The following ATP10B variants were observed in gnomAD, a reference collection of about 807,000 sequenced individuals.
ATP10B encodes the protein phospholipid-transporting ATPase VB.
ATP10B carries 122 observed loss-of-function variants against 141.2 expected under a neutral mutation model. The ratio of observed to expected loss-of-function variants is 0.86; its 90% CI spans 0.75 to 1.00. The LOEUF is 1.00. Among genes scored for constraint, ATP10B ranks in the 50% least tolerant of loss-of-function variants. The pLI is 0.00. For synonymous variants in ATP10B, 685 were observed against 692.0 expected (o/e 0.99, Z 0.16); for missense variants, 1,876 against 1,825.3 (o/e 1.03, Z -0.51).
At chr5:160,731,228 T>A (rs1766720366) in intron 2 of ATP10B, among the ~76,000 whole-genome samples, 1 of 152,122 alleles carries the variant, frequency 6.6e-6, no homozygotes, top group Non-Finnish European at 1.5e-5. Flanking sequence ...CGTTTGTGAG[T>A]AAAGATGGGG....
At chr5:160,574,678 T>C (rs1395439145) in intron 24 of ATP10B, among the ~76,000 whole-genome samples, 1 of 152,214 alleles carries the variant, frequency 6.6e-6, no homozygotes, top group African/African-American at 2.4e-5. Context: ...CCTTCATGAA[T>C]GAATTAGATG....
chr5:160,565,261 T>C lies in ATP10B; in HGVS notation c.*192A>G, dbSNP rs1334361419. 3.3e-6 allele frequency: 2 copies of C among 609,078 alleles called. No individual in the cohort carries two copies. Among genetic ancestry groups the C allele is most frequent in the Non-Finnish European group, 5.8e-6 (2 of 347,504 alleles). The allele number at this position is 609,078 out of a possible 1,614,324, so 37.7% of individuals were successfully genotyped here. On this transcript the variant is annotated 3_prime_UTR_variant, in exon 26 of 26. Transcript: ENST00000327245. ...GTGCTGCCTGAGAGCAGCAGAAAAC[T>C]AGAGGCCGACTGGGTTTCCCGTCTT...
chr5:160,582,256 A>G (rs1277152630), intron 24 of ATP10B, among the ~76,000 whole-genome samples: 4 of 152,102 alleles, frequency 2.6e-5, no homozygotes, highest in Admixed American at 6.5e-5. Context: ...GGTCTTTATA[A>G]TTTGGTATGT....
At chr5:160,878,589 C>A in the ATP10B span, among the ~76,000 whole-genome samples, 1 of 151,202 alleles carries the variant, frequency 6.6e-6, no homozygotes, top group Non-Finnish European at 1.5e-5. Flanking sequence ...ACCGTCAGAG[C>A]GAACAGGCAA....
chr5:160,787,823 G>C (rs1489077124), intron 1 of ATP10B, among the ~76,000 whole-genome samples: 1 of 152,108 alleles, frequency 6.6e-6, no homozygotes, highest in East Asian at 1.9e-4. Flanking sequence ...GTGTGTGCTA[G>C]ATCAGAAGTT....
chr5:160,819,402 C>G (rs1357249978), intron 1 of ATP10B, among the ~76,000 whole-genome samples: 1 of 152,112 alleles, frequency 6.6e-6, no homozygotes, highest in African/African-American at 2.4e-5. Flanking sequence ...TCATCAACAC[C>G]AGACCTATCC....
chr5:160,770,102 C>T (rs1387154922), intron 2 of ATP10B, among the ~76,000 whole-genome samples: 1 of 152,102 alleles, frequency 6.6e-6, no homozygotes, highest in East Asian at 1.9e-4. Context: ...TACCCCCTTT[C>T]CTCCTAATGT....
the ATP10B span, among the ~76,000 whole-genome samples, chr5:160,913,749 A>G: frequency 7.2e-5 from 11 of 152,280 alleles, no homozygotes; most frequent in African/African-American, 2.6e-4. Flanking sequence ...CCTCGCACTG[A>G]TAACAATGAG....
chr5:160,904,931 G>A, the ATP10B span, among the ~76,000 whole-genome samples: 1 of 152,214 alleles, frequency 6.6e-6, no homozygotes, highest in Non-Finnish European at 1.5e-5. Flanking sequence ...ACAAACTCTA[G>A]CTATTTTGCA....
chr5:160,806,455 G>T (rs571099299), intron 1 of ATP10B, among the ~76,000 whole-genome samples: 3 of 152,180 alleles, frequency 2.0e-5, no homozygotes, highest in Non-Finnish European at 2.9e-5. Context: ...CACACATAAG[G>T]TTATCCCCCA....
chr5:160,841,442 G>A (rs1383756882), intron 1 of ATP10B, among the ~76,000 whole-genome samples: 7 of 152,144 alleles, frequency 4.6e-5, no homozygotes, highest in African/African-American at 1.7e-4. Flanking sequence ...CCCATATGAG[G>A]TAGGGGAATG....
intron 9 of ATP10B, among the ~76,000 whole-genome samples, chr5:160,642,565 AGATGCTGCTAAATACCCTACAG>A (rs1301075722): frequency 6.6e-6 from 1 of 152,180 alleles, no homozygotes; most frequent in African/African-American, 2.4e-5. Flanking sequence ...TAGAGGCCAG[AGATGCTGCTAAATACCCTACAG>A]GACAGCCCCC....
At chr5:160,627,346 A>G (rs1758663770) in intron 13 of ATP10B, among the ~76,000 whole-genome samples, 1 of 152,218 alleles carries the variant, frequency 6.6e-6, no homozygotes, top group Non-Finnish European at 1.5e-5. Context: ...TAAAATCCTG[A>G]AAGCAGGAGC....
At chr5:160,902,853 C>T in the ATP10B span, among the ~76,000 whole-genome samples, 1 of 152,118 alleles carries the variant, frequency 6.6e-6, no homozygotes, top group Non-Finnish European at 1.5e-5. Context: ...ACAAAAATCA[C>T]AAAGTCAGAT....
chr5:160,776,823 G>C (rs189088354), intron 2 of ATP10B, among the ~76,000 whole-genome samples: 1 of 152,342 alleles, frequency 6.6e-6, no homozygotes, highest in East Asian at 1.9e-4. Flanking sequence ...AGATTTCTCT[G>C]TGTGTTTTTG....
chr5:160,660,452 C>T (rs549254371), intron 7 of ATP10B, among the ~76,000 whole-genome samples: 3 of 152,206 alleles, frequency 2.0e-5, no homozygotes, highest in South Asian at 4.1e-4. Context: ...CATATTGATG[C>T]TAAAAAAGAA....
chr5:160,881,016 G>A, the ATP10B span, among the ~76,000 whole-genome samples: 25 of 152,230 alleles, frequency 1.6e-4, no homozygotes, highest in South Asian at 4.8e-3. Flanking sequence ...CATAGACTGG[G>A]AGGAAATATT....
intron 3 of ATP10B, among the ~76,000 whole-genome samples, chr5:160,691,139 A>G (rs1764051427): frequency 6.6e-6 from 1 of 152,112 alleles, no homozygotes; most frequent in Non-Finnish European, 1.5e-5. Context: ...TCTCACTCAT[A>G]ATTGGGAGTT....
chr5:160,599,619 G>T (rs1756965627), intron 21 of ATP10B, among the ~76,000 whole-genome samples: 1 of 152,200 alleles, frequency 6.6e-6, no homozygotes, highest in African/African-American at 2.4e-5. Context: ...CAGGACACCT[G>T]GTAGGACGGT....
Sources: gnomAD v4.1 joint callset for allele counts (sites outside exome capture counted in the v4.1 genomes callset) on GRCh38, gnomAD v4.1.1 for gene constraint, MANE v1.5 for transcripts, NCBI Gene and HGNC (gene_info 2026-07-23, HGNC 2026-07-21) for gene names.